SERINC2: variants seen among roughly 807,000 people sequenced by gnomAD.
SERINC2 encodes the protein serine incorporator 2.
In SERINC2, 56 loss-of-function variants were observed where a neutral mutation model predicts 54.2. That is an observed-to-expected ratio of 1.03 (90% CI 0.83 to 1.29). SERINC2 has a LOEUF of 1.29. Among genes scored for constraint, SERINC2 ranks in the 50% most tolerant of loss-of-function variants. SERINC2 has a pLI of 0.00. For synonymous variants in SERINC2, 272 were observed against 253.1 expected, an observed-to-expected ratio of 1.07 and a Z score of -0.71; for missense variants, 614 against 607.4, an observed-to-expected ratio of 1.01 and a Z score of -0.12.
chr1:31,413,899 G>T lies in SERINC2; in HGVS notation c.39+595G>T. 1 of 1,450,758 alleles carries T rather than the reference G, an allele frequency of 6.9e-7. No homozygotes were observed. The highest frequency in any genetic ancestry group is 9.0e-7 in the Non-Finnish European group (1 of 1,110,070). The allele number at this position is 1,450,758 out of a possible 1,614,324, so 89.9% of individuals were successfully genotyped here. A position where few individuals can be genotyped will look rare whatever the true frequency, so the allele number is the denominator to read the frequency against. On this transcript the variant is annotated intron_variant, in intron 1 of 9. Coordinates refer to ENST00000373709, the MANE Select transcript of SERINC2 (RefSeq NM_178865.5). This position sits in a 1 kb window ranked among gnomAD's most constrained non-coding sequence, Gnocchi z 5.0. Reference sequence around the variant, plus strand: ...CTTCTGTCCGTCTGCCCGTCCGCCCGTCCGTCCCTCAGTCTCTCTGCGGTC... The same window carrying T: ...CTTCTGTCCGTCTGCCCGTCCGCCCTTCCGTCCCTCAGTCTCTCTGCGGTC...
At chr1:31,414,066 T>C in intron 1 of SERINC2, 1 of 1,493,444 alleles carries the variant, frequency 6.7e-7, no homozygotes, top group Non-Finnish European at 8.9e-7. Context: ...GTGAGGCGGG[T>C]GCGGGTCGTC....
intron 3 of SERINC2, 39 bp downstream of exon 3, chr1:31,424,912 C>A (rs1553133328): frequency 1.3e-6 from 2 of 1,551,758 alleles, no homozygotes; most frequent in Non-Finnish European, 1.8e-6. Context: ...GGGACCTTCC[C>A]CCAGTGCCTT....
intron 1 of SERINC2, chr1:31,414,169 T>A (rs1640717984): frequency 7.1e-7 from 1 of 1,404,524 alleles, no homozygotes. Flanking sequence ...GTTCGGGACC[T>A]GTGGGGAGGC....
intron 1 of SERINC2, chr1:31,414,584 T>G (rs1553132000): frequency 1.0e-6 from 1 of 986,016 alleles, no homozygotes; most frequent in Non-Finnish European, 1.2e-6. Flanking sequence ...TCTCGCCTCA[T>G]TAGGCCTCCA....
At chr1:31,411,721 G>C (rs782811319), upstream of SERINC2, among the ~76,000 whole-genome samples, 13 of 152,138 alleles carry the variant, frequency 8.5e-5, no homozygotes, top group African/African-American at 1.4e-4. Context: ...GCATCTGCCA[G>C]GTGCAGTGCC....
chr1:31,426,291 C>T (rs1321802093), intron 5 of SERINC2, among the ~76,000 whole-genome samples: 3 of 152,258 alleles, frequency 2.0e-5, no homozygotes, highest in Middle Eastern at 3.4e-3. Context: ...CTGAACACAA[C>T]GAGGAGAAAG....
chr1:31,426,055 TC>T, intron 5 of SERINC2, 142 bp downstream of exon 5: 1 of 869,756 alleles, frequency 1.1e-6, no homozygotes, highest in Non-Finnish European at 1.7e-6. Context: ...ATTCCAATTG[TC>T]CCAGGGAGAT....
chr1:31,429,333 A>G (rs1413556297), intron 7 of SERINC2, 64 bp from the exon 8 acceptor site: 1 of 1,547,072 alleles, frequency 6.5e-7, no homozygotes, highest in African/African-American at 1.4e-5. Flanking sequence ...AGCCATCCTC[A>G]GGGCCACTTG....
At chr1:31,416,025 T>C in intron 1 of SERINC2, 1 of 526,806 alleles carries the variant, frequency 1.9e-6, no homozygotes, top group Non-Finnish European at 2.4e-6. Flanking sequence ...GTCTTGCACA[T>C]CCTAGGGAGT....
At chr1:31,417,081 A>C (rs1481487459) in intron 1 of SERINC2, among the ~76,000 whole-genome samples, 1 of 152,212 alleles carries the variant, frequency 6.6e-6, no homozygotes, top group Admixed American at 6.5e-5. Flanking sequence ...AACCCTAATA[A>C]AAATTAATCC....
chr1:31,411,088 G>T (rs553846641), upstream of SERINC2, among the ~76,000 whole-genome samples: 1 of 152,326 alleles, frequency 6.6e-6, no homozygotes, highest in African/African-American at 2.4e-5. Context: ...TTGACTGTGT[G>T]CCAGGCCCTG....
intron 1 of SERINC2, among the ~76,000 whole-genome samples, chr1:31,417,466 T>G (rs957951854): frequency 2.0e-5 from 3 of 152,182 alleles, no homozygotes; most frequent in Non-Finnish European, 2.9e-5. Context: ...TTCTCTTTGC[T>G]GGGAATACCC....
intron 8 of SERINC2, among the ~76,000 whole-genome samples, chr1:31,431,832 T>TGGACAGGGTGGAC (rs1641231163): frequency 3.6e-5 from 1 of 28,104 alleles, no homozygotes; most frequent in East Asian, 9.3e-4. Context: ...ATAGGGTGGA[T>TGGACAGGGTGGAC]AGGGTGGATA....
intron 1 of SERINC2, among the ~76,000 whole-genome samples, chr1:31,419,143 G>A (rs78474147): frequency 0.014 from 2,096 of 152,272 alleles, 51 homozygotes; most frequent in African/African-American, 0.048. Context: ...GGTTGTAATC[G>A]TAGTGTGGGA....
chr1:31,415,715 A>G (rs2148511693), intron 1 of SERINC2, among the ~76,000 whole-genome samples: 1 of 152,348 alleles, frequency 6.6e-6, no homozygotes, highest in Middle Eastern at 3.4e-3. Context: ...ACTGGACACC[A>G]GTACCATCCT....
upstream of SERINC2, among the ~76,000 whole-genome samples, chr1:31,411,709 G>A (rs1251567346): frequency 6.6e-6 from 1 of 152,082 alleles, no homozygotes; most frequent in Non-Finnish European, 1.5e-5. Context: ...TTTAAGAGGA[G>A]GGCATCTGCC....
At chr1:31,409,900 C>A (rs553291508), upstream of SERINC2, 24 of 1,487,242 alleles carry the variant, frequency 1.6e-5, no homozygotes, top group South Asian at 2.6e-4. Context: ...GAGGCGGGGG[C>A]AGGAGTTCGT....
At chr1:31,410,069 C>G, upstream of SERINC2, 1 of 1,089,670 alleles carries the variant, frequency 9.2e-7, no homozygotes, top group Non-Finnish European at 1.3e-6. Context: ...CAAATGACCC[C>G]TACATGTTTA....
intron 1 of SERINC2, chr1:31,414,171 T>G: frequency 1.4e-6 from 2 of 1,403,830 alleles, no homozygotes; most frequent in Non-Finnish European, 1.8e-6. Context: ...TCGGGACCTG[T>G]GGGGAGGCCA....
Sources: gnomAD v4.1 joint callset for allele counts (sites outside exome capture counted in the v4.1 genomes callset) on GRCh38, gnomAD v4.1.1 for gene constraint, Gnocchi (gnomAD v3.1) non-coding constraint, MANE v1.5 for transcripts, NCBI Gene and HGNC (gene_info 2026-07-23, HGNC 2026-07-21) for gene names.